Variants in NID1 observed in about 807,000 individuals in gnomAD.
NID1 encodes nidogen 1.
Under a neutral mutation model 130.6 loss-of-function variants are expected in NID1, and 76 were observed. That is an observed-to-expected ratio of 0.58 (90% CI 0.48 to 0.70). NID1 has a LOEUF of 0.70. Among genes scored for constraint, NID1 ranks in the 30% least tolerant of loss-of-function variants. The pLI is 0.00. For missense variants in NID1, 1,517 were observed against 1,664.8 expected (o/e 0.91, Z 1.54); for synonymous variants, 665 against 675.1 (o/e 0.98, Z 0.23).
In NID1 at chr1:235,980,670, G is replaced by C. The variant is rs780638186; in HGVS notation, c.3228-17C>G. 5.6e-6 allele frequency: 9 copies of C among 1,607,670 alleles called. No homozygotes were observed. The highest frequency in any genetic ancestry group is 1.7e-4 in the Middle Eastern group (1 of 6,048). ...TAAAGGTTCCTGGAGGAGGAAAAAGGGGGGAAAGAGGAAAAGAAATAATAA... is the reference window on the plus strand; with the variant it reads ...TAAAGGTTCCTGGAGGAGGAAAAAGCGGGGAAAGAGGAAAAGAAATAATAA... On this transcript the variant is annotated splice_polypyrimidine_tract_variant and intron_variant, in intron 16 of 19. Transcript: ENST00000264187.
intron 1 of NID1, among the ~76,000 whole-genome samples, chr1:236,054,129 C>T (rs1558450496): frequency 6.6e-6 from 1 of 151,970 alleles, no homozygotes; most frequent in Non-Finnish European, 1.5e-5. Context: ...AAAAAAAGAG[C>T]TGGGGTTAGG....
intron 4 of NID1, among the ~76,000 whole-genome samples, chr1:236,039,758 C>T (rs778485705): frequency 1.3e-5 from 2 of 152,102 alleles, no homozygotes; most frequent in East Asian, 1.9e-4. Flanking sequence ...CCTACATACT[C>T]GGAAGGGAAT....
In NID1 at chr1:236,042,400, C is replaced by A. The variant is rs1212332901; in HGVS notation, c.753-108G>T. 8 of 1,401,458 alleles carry A rather than the reference C, an allele frequency of 5.7e-6. No homozygotes were observed. The Middle Eastern group carries it at 1.0e-3, about 177-fold the overall frequency. The allele number at this position is 1,401,458 out of a possible 1,614,324, so 86.8% of individuals were successfully genotyped here. On this transcript the variant is annotated intron_variant, in intron 3 of 19. Transcript: ENST00000264187. Reference sequence around the variant, plus strand: ...ATCTGTGTTGGTCTGCAAGCCATCACCTGCAGCTAGGACTGGAGAGTGGAA... The same window carrying A: ...ATCTGTGTTGGTCTGCAAGCCATCAACTGCAGCTAGGACTGGAGAGTGGAA...
At chr1:236,011,850 C>A (rs1254166097) in intron 12 of NID1, 71 bp downstream of exon 12, 1 of 1,570,802 alleles carries the variant, frequency 6.4e-7, no homozygotes, top group Non-Finnish European at 8.7e-7. Context: ...ATGGACAGGG[C>A]AATGGGCCAT....
At chr1:235,992,399 C>T (rs1657779187) in intron 13 of NID1, among the ~76,000 whole-genome samples, 1 of 152,194 alleles carries the variant, frequency 6.6e-6, no homozygotes, top group African/African-American at 2.4e-5. Flanking sequence ...GCTTCTACCC[C>T]CACAGCCAGT....
intron 12 of NID1, among the ~76,000 whole-genome samples, chr1:235,995,766 G>A (rs189201642): frequency 6.6e-6 from 1 of 152,330 alleles, no homozygotes; most frequent in Non-Finnish European, 1.5e-5. Flanking sequence ...AGCTCTCAGG[G>A]TGATCTGGGC....
chr1:236,013,331 T>C, intron 11 of NID1, 80 bp downstream of exon 11: 1 of 1,477,244 alleles, frequency 6.8e-7, no homozygotes. Context: ...TGGGAGTGAG[T>C]TGGTGATTGG....
rs752977268 is a variant in NID1, at chr1:236,041,979, C to A, written c.1066G>T (p.Ala356Ser). ...TGCTGCTGGTGAAAAGTCTCCACTG[C>A]CAACTGGAAAGACCTGGTTCTCTCT... Reference protein sequence around the residue: ...PTERTRSFQLAVETFHQQHPQ... With the variant: ...PTERTRSFQLSVETFHQQHPQ... The change falls in exon 4 of 20, where the codon GCA becomes TCA. Residue 356 changes from alanine (A) to serine (S), a missense_variant. Physicochemically the swap from Ala to Ser is moderately conservative, Grantham distance 99. This residue lies in a region of NID1 where 1,329 missense variants were observed against 1,429.2 expected (regional missense o/e 0.93). Coordinates refer to ENST00000264187, the MANE Select transcript of NID1 (RefSeq NM_002508.3). The A allele has an allele frequency of 1.2e-6, 2 of 1,614,018 alleles. No homozygotes were observed.
chr1:236,012,571 A>G (rs1248029928), intron 11 of NID1, among the ~76,000 whole-genome samples: 1 of 136,888 alleles, frequency 7.3e-6, no homozygotes, highest in Non-Finnish European at 1.6e-5. Flanking sequence ...AAAAAAAAAA[A>G]AAAAAAAAAA....
chr1:236,008,173 T>C (rs1008988676), intron 12 of NID1, among the ~76,000 whole-genome samples: 4 of 152,224 alleles, frequency 2.6e-5, no homozygotes, highest in Non-Finnish European at 5.9e-5. Context: ...TATTTCAACA[T>C]GCCATTTAAA....
At chr1:235,990,550 T>C (rs111709967) in intron 14 of NID1, among the ~76,000 whole-genome samples, 2 of 152,326 alleles carry the variant, frequency 1.3e-5, no homozygotes, top group Admixed American at 6.5e-5. Flanking sequence ...CTCTATCTAA[T>C]GGGAAAAGAA....
At chr1:235,986,154 A>AT (rs1346768358) in intron 14 of NID1, among the ~76,000 whole-genome samples, 1 of 152,094 alleles carries the variant, frequency 6.6e-6, no homozygotes. Context: ...CTAATTTATT[A>AT]TTTTTTCCCT....
chr1:236,048,725 G>C lies in NID1; in HGVS notation c.490C>G (p.Gln164Glu), dbSNP rs976253374. 3.1e-6 allele frequency: 5 copies of C among 1,612,450 alleles called. No individual in the cohort carries two copies. The highest frequency in any genetic ancestry group is 3.4e-6 in the Non-Finnish European group (4 of 1,179,978). Reference protein sequence around the residue: ...VVTWESVAPYQGPSRDPDQKG... With the variant: ...VVTWESVAPYEGPSRDPDQKG... ...TGGTCTGGGTCCCTGCTGGGCCCTTGGTAGGGGGCCACGGATTCCCAAGTG... is the reference window on the plus strand; with the variant it reads ...TGGTCTGGGTCCCTGCTGGGCCCTTCGTAGGGGGCCACGGATTCCCAAGTG... The change falls in exon 2 of 20, where the codon CAA becomes GAA. Residue 164 changes from glutamine to glutamate, a missense_variant. Physicochemically the swap from Gln to Glu is conservative, Grantham distance 29. This residue lies in a region of NID1 where 1,329 missense variants were observed against 1,429.2 expected (regional missense o/e 0.93). Coordinates refer to ENST00000264187, the MANE Select transcript of NID1 (RefSeq NM_002508.3).
chr1:236,011,730 A>G (rs1438570501), intron 12 of NID1, among the ~76,000 whole-genome samples, 191 bp downstream of exon 12: 2 of 152,064 alleles, frequency 1.3e-5, no homozygotes, highest in African/African-American at 4.8e-5. Context: ...TGTGCTCTGG[A>G]TTCATGGACA....
intron 10 of NID1, among the ~76,000 whole-genome samples, chr1:236,015,556 A>G (rs1658565633): frequency 6.7e-6 from 1 of 149,872 alleles, no homozygotes; most frequent in South Asian, 2.1e-4. Flanking sequence ...CTGAGGCAGG[A>G]GAATCTCTTG....
intron 12 of NID1, among the ~76,000 whole-genome samples, chr1:236,005,416 A>G (rs984069264): frequency 6.6e-6 from 1 of 152,044 alleles, no homozygotes; most frequent in East Asian, 1.9e-4. Context: ...GTAAGACACA[A>G]CTCTCAAGAT....
At chr1:236,003,810 C>T (rs1658157270) in intron 12 of NID1, among the ~76,000 whole-genome samples, 1 of 152,104 alleles carries the variant, frequency 6.6e-6, no homozygotes, top group African/African-American at 2.4e-5. Context: ...GTGGAGGCTG[C>T]AGTGAGCTGA....
chr1:236,009,392 A>T (rs1004918288), intron 12 of NID1, among the ~76,000 whole-genome samples: 1 of 152,224 alleles, frequency 6.6e-6, no homozygotes, highest in Admixed American at 6.5e-5. Context: ...TCTGTTGTTT[A>T]TAAACTCCCA....
At chr1:235,994,885 C>T (rs1053385473) in intron 12 of NID1, among the ~76,000 whole-genome samples, 9 of 152,084 alleles carry the variant, frequency 5.9e-5, no homozygotes, top group African/African-American at 1.9e-4. Context: ...TTAGTAGAGA[C>T]GGGGTTTCAC....
Sources: gnomAD v4.1 joint callset for allele counts (sites outside exome capture counted in the v4.1 genomes callset) on GRCh38, gnomAD v4.1.1 for gene constraint, gnomAD v4.1.1 regional missense constraint, MANE v1.5 for transcripts, NCBI Gene and HGNC (gene_info 2026-07-23, HGNC 2026-07-21) for gene names.